The following DNM3 variants were observed in gnomAD, a reference collection of about 807,000 sequenced individuals.
DNM3 encodes dynamin 3, also known as dynamin-3.
A neutral mutation model predicts 101.6 loss-of-function variants in DNM3; 47 were observed. The ratio of observed to expected loss-of-function variants is 0.46; its 90% confidence interval spans 0.37 to 0.59. The LOEUF is 0.59. Among genes scored for constraint, DNM3 ranks in the 20% least tolerant of loss-of-function variants. The pLI is 0.00. For missense variants in DNM3, 849 were observed against 1,085.7 expected, an observed-to-expected ratio of 0.78 and a Z score of 3.06; for synonymous variants, 385 against 387.9, an observed-to-expected ratio of 0.99 and a Z score of 0.09.
At chr1:171,878,073 A>C (rs2035938397) in intron 1 of DNM3, among the ~76,000 whole-genome samples, 1 of 152,002 alleles carries the variant, frequency 6.6e-6, no homozygotes, top group African/African-American at 2.4e-5. Context: ...TTCTGAGATA[A>C]TTTAAAAGTA....
chr1:172,285,766 C>G (rs890893374), intron 15 of DNM3, among the ~76,000 whole-genome samples: 3 of 152,074 alleles, frequency 2.0e-5, no homozygotes, highest in Non-Finnish European at 4.4e-5. Context: ...AAACCATTGG[C>G]ACCATGATCC....
At chr1:172,278,633 C>G (rs530080040) in intron 15 of DNM3, among the ~76,000 whole-genome samples, 2 of 152,174 alleles carry the variant, frequency 1.3e-5, no homozygotes, top group South Asian at 4.1e-4. Flanking sequence ...TTCACTAGCC[C>G]TTTAGCTCAT....
At chr1:172,133,626 A>G (rs2057059963) in intron 14 of DNM3, among the ~76,000 whole-genome samples, 1 of 152,222 alleles carries the variant, frequency 6.6e-6, no homozygotes, top group African/African-American at 2.4e-5. Flanking sequence ...TAAATGTCAG[A>G]TAGTAAATGC....
chr1:172,354,137 G>GAGAGAGAGAC (rs2067330252), intron 17 of DNM3, among the ~76,000 whole-genome samples: 1 of 150,280 alleles, frequency 6.7e-6, no homozygotes, highest in Non-Finnish European at 1.5e-5. Context: ...GAGAGAGAGA[G>GAGAGAGAGAC]AGAGAAATAA....
chr1:171,861,071 T>C (rs2034128405), intron 1 of DNM3, among the ~76,000 whole-genome samples: 1 of 152,106 alleles, frequency 6.6e-6, no homozygotes, highest in African/African-American at 2.4e-5. Flanking sequence ...CACCAAAAAC[T>C]ATACAACATC....
chr1:171,935,076 A>G (rs1442398113), intron 2 of DNM3, among the ~76,000 whole-genome samples: 9 of 152,182 alleles, frequency 5.9e-5, no homozygotes, highest in Admixed American at 5.9e-4. Flanking sequence ...TTTAAAAGAG[A>G]AAACTCCTAC....
At chr1:172,368,140 C>T (rs2068124640) in intron 17 of DNM3, among the ~76,000 whole-genome samples, 1 of 151,898 alleles carries the variant, frequency 6.6e-6, no homozygotes, top group Non-Finnish European at 1.5e-5. Context: ...CAGACATTTA[C>T]AGAACATTCT....
chr1:172,082,002 A>G, intron 12 of DNM3, 100 bp downstream of exon 12: 1 of 1,246,170 alleles, frequency 8.0e-7, no homozygotes, highest in Non-Finnish European at 1.2e-6. Flanking sequence ...TTGAGAATAC[A>G]ATCTGTGCCA....
intron 14 of DNM3, among the ~76,000 whole-genome samples, chr1:172,195,182 C>T (rs1344868177): frequency 6.6e-6 from 1 of 151,826 alleles, no homozygotes; most frequent in African/African-American, 2.4e-5. Context: ...AAGAAACATC[C>T]AAACCATATC....
chr1:172,119,034 C>T (rs2056121878), intron 13 of DNM3, among the ~76,000 whole-genome samples: 1 of 151,376 alleles, frequency 6.6e-6, no homozygotes, highest in Non-Finnish European at 1.5e-5. Flanking sequence ...CTCTTGTTGC[C>T]CAGGCTGGAG....
At chr1:172,201,999 C>T (rs964965917) in intron 14 of DNM3, among the ~76,000 whole-genome samples, 3 of 152,068 alleles carry the variant, frequency 2.0e-5, no homozygotes, top group Non-Finnish European at 2.9e-5. Flanking sequence ...CCCCTGGCTC[C>T]GTGTTGCTCC....
At chr1:171,845,920 G>A (rs2032012888) in intron 1 of DNM3, among the ~76,000 whole-genome samples, 1 of 152,178 alleles carries the variant, frequency 6.6e-6, no homozygotes, top group Admixed American at 6.5e-5. Context: ...TCTAGTCTGA[G>A]TGGTAAATAG....
At chr1:172,072,285 T>C (rs2052258745) in intron 11 of DNM3, among the ~76,000 whole-genome samples, 1 of 152,220 alleles carries the variant, frequency 6.6e-6, no homozygotes, top group Non-Finnish European at 1.5e-5. Context: ...TTCAGTTTTC[T>C]TCAAGATATG....
intron 14 of DNM3, among the ~76,000 whole-genome samples, chr1:172,192,142 A>C (rs1156851794): frequency 6.6e-6 from 1 of 152,054 alleles, no homozygotes; most frequent in Non-Finnish European, 1.5e-5. Flanking sequence ...TGTCATAAAT[A>C]GCTCTTATTA....
intron 13 of DNM3, among the ~76,000 whole-genome samples, chr1:172,112,502 A>T (rs2055557119): frequency 6.6e-6 from 1 of 152,172 alleles, no homozygotes; most frequent in Non-Finnish European, 1.5e-5. Flanking sequence ...TGACTCTTAA[A>T]TCTGAGTGAT....
chr1:172,410,126 A>G lies in DNM3; in HGVS notation c.*2285A>G. Reference sequence around the variant, plus strand: ...TTTCTCATAGAACCCAGCCTACTCTAGAATTTCAGCAGTGACATTGGAGAA... The same window carrying G: ...TTTCTCATAGAACCCAGCCTACTCTGGAATTTCAGCAGTGACATTGGAGAA... On this transcript the variant is annotated 3_prime_UTR_variant, in exon 21 of 21. Coordinates refer to ENST00000627582, the MANE Select transcript of DNM3 (RefSeq NM_015569.5). The G allele has an allele frequency of 1.0e-6, 1 of 985,404 alleles. No homozygotes were observed. The highest frequency in any genetic ancestry group is 1.2e-6 in the Non-Finnish European group (1 of 829,896). 61.0% of individuals were successfully genotyped at this position (985,404 alleles called of 1,614,324 possible).
chr1:172,052,861 A>G (rs189761973), intron 10 of DNM3, among the ~76,000 whole-genome samples: 1 of 152,274 alleles, frequency 6.6e-6, no homozygotes, highest in East Asian at 1.9e-4. Flanking sequence ...GGTGATTCCC[A>G]AATCTGTACC....
intron 4 of DNM3, among the ~76,000 whole-genome samples, chr1:172,025,231 G>A (rs2048117843): frequency 6.6e-6 from 1 of 152,244 alleles, no homozygotes. Context: ...CAAAGCCGCT[G>A]TAGCCGGATT....
At chr1:171,935,275 G>A (rs1267073418) in intron 2 of DNM3, among the ~76,000 whole-genome samples, 3 of 152,112 alleles carry the variant, frequency 2.0e-5, no homozygotes, top group Admixed American at 6.5e-5. Flanking sequence ...TTGCCAAACC[G>A]AGCCAAAAAA....
Sources: gnomAD v4.1 joint callset for allele counts (sites outside exome capture counted in the v4.1 genomes callset) on GRCh38, gnomAD v4.1.1 for gene constraint, MANE v1.5 for transcripts, NCBI Gene and HGNC (gene_info 2026-07-23, HGNC 2026-07-21) for gene names.